CCDC171: variants seen among roughly 807,000 people sequenced by gnomAD.
CCDC171 encodes the protein coiled-coil domain containing 171, also known as coiled-coil domain-containing protein 171.
A neutral mutation model predicts 168.2 loss-of-function variants in CCDC171; 177 were observed. The ratio of observed to expected loss-of-function variants is 1.05; its 90% confidence interval spans 0.93 to 1.19. The LOEUF (loss-of-function observed/expected upper bound fraction) is 1.19, where lower values mean the gene tolerates loss of function less well. Among genes scored for constraint, CCDC171 ranks in the 50% most tolerant of loss-of-function variants. The pLI is 0.00. For synonymous variants in CCDC171, 687 were observed against 540.8 expected, an observed-to-expected ratio of 1.27 and a Z score of -3.75; for missense variants, 1,991 against 1,539.0, an observed-to-expected ratio of 1.29 and a Z score of -4.91.
At chr9:15,769,416 A>C (rs1232341187) in intron 18 of CCDC171, among the ~76,000 whole-genome samples, 1 of 152,212 alleles carries the variant, frequency 6.6e-6, no homozygotes, top group Non-Finnish European at 1.5e-5. Context: ...AATTCAGCAG[A>C]GCTGGGGGAA....
chr9:15,769,663 C>T (rs2056910113), intron 18 of CCDC171, among the ~76,000 whole-genome samples: 1 of 152,198 alleles, frequency 6.6e-6, no homozygotes, highest in African/African-American at 2.4e-5. Flanking sequence ...TCATCACTTA[C>T]ATGGCAAGTC....
intron 21 of CCDC171, among the ~76,000 whole-genome samples, chr9:15,839,741 A>G (rs929954715): frequency 6.6e-6 from 1 of 152,200 alleles, no homozygotes; most frequent in Non-Finnish European, 1.5e-5. Context: ...TGTGTGTACA[A>G]GAAAATATGT....
the CCDC171 span, among the ~76,000 whole-genome samples, chr9:16,087,557 CTTTT>C: frequency 0.017 from 1,341 of 78,818 alleles, 9 homozygotes; most frequent in African/African-American, 0.07. Flanking sequence ...GCAACTCCTG[CTTTT>C]TTTTTTTTTT....
intron 25 of CCDC171, among the ~76,000 whole-genome samples, chr9:15,952,027 A>G (rs776648283): frequency 1.6e-4 from 24 of 152,004 alleles, no homozygotes; most frequent in Non-Finnish European, 3.1e-4. Context: ...ATCCATTTTG[A>G]TTTAATTTGT....
chr9:15,682,292 C>A (rs1307197223), intron 10 of CCDC171, among the ~76,000 whole-genome samples: 1 of 151,692 alleles, frequency 6.6e-6, no homozygotes, highest in East Asian at 1.9e-4. Flanking sequence ...ATCATCTAGC[C>A]CAGGATACAG....
the CCDC171 span, among the ~76,000 whole-genome samples, chr9:16,074,286 T>C: frequency 6.6e-6 from 1 of 152,206 alleles, no homozygotes; most frequent in African/African-American, 2.4e-5. Flanking sequence ...GCATTCTCTT[T>C]GTCTTGCTGG....
the CCDC171 span, among the ~76,000 whole-genome samples, chr9:16,090,429 T>G: frequency 6.6e-6 from 1 of 152,042 alleles, no homozygotes; most frequent in African/African-American, 2.4e-5. Flanking sequence ...GGTGGGGGGC[T>G]AGTGGAGGGA....
At chr9:15,856,846 T>G (rs2061365509) in intron 23 of CCDC171, among the ~76,000 whole-genome samples, 1 of 152,056 alleles carries the variant, frequency 6.6e-6, no homozygotes, top group African/African-American at 2.4e-5. Context: ...GGGTTCCAGT[T>G]TCTCCACATC....
intron 18 of CCDC171, among the ~76,000 whole-genome samples, chr9:15,775,846 A>G (rs2057295077): frequency 2.0e-5 from 3 of 152,220 alleles, no homozygotes; most frequent in Admixed American, 2.0e-4. Flanking sequence ...TTTAACAAAC[A>G]TGTAAAAAAT....
rs1349518664 is a variant in CCDC171, at chr9:15,777,882, A to G, written c.2898+56A>G. 35 of 1,121,608 alleles carry G rather than the reference A, an allele frequency of 3.1e-5. No individual in the cohort carries two copies. In the Admixed American group the frequency reaches 9.3e-4, roughly 30 times the overall value. 69.5% of individuals were successfully genotyped at this position (1,121,608 alleles called of 1,614,324 possible). ...TAAGAACTTGTAGGTTTAATTTTGAATTAGCCTAATTTGTAGTTTAAATTA... is the reference window on the plus strand; with the variant it reads ...TAAGAACTTGTAGGTTTAATTTTGAGTTAGCCTAATTTGTAGTTTAAATTA... On this transcript the variant is annotated intron_variant, in intron 19 of 25. Coordinates refer to ENST00000380701, the MANE Select transcript of CCDC171 (RefSeq NM_173550.4).
At chr9:15,976,928 CA>C (rs1268798985), downstream of CCDC171, among the ~76,000 whole-genome samples, 1 of 151,958 alleles carries the variant, frequency 6.6e-6, no homozygotes, top group Admixed American at 6.6e-5. Context: ...TAAATGTGAT[CA>C]AACCTAAAAT....
chr9:15,569,271 G>C (rs1408326744), intron 2 of CCDC171, among the ~76,000 whole-genome samples: 1 of 152,166 alleles, frequency 6.6e-6, no homozygotes, highest in Non-Finnish European at 1.5e-5. Flanking sequence ...ATATCATGGA[G>C]CCAGGGTTTC....
At chr9:15,588,149 C>T (rs1048559470) in intron 4 of CCDC171, among the ~76,000 whole-genome samples, 1 of 152,102 alleles carries the variant, frequency 6.6e-6, no homozygotes, top group African/African-American at 2.4e-5. Context: ...GTGGGAGAAT[C>T]ACTTGAACCT....
intron 24 of CCDC171, 119 bp downstream of exon 24, chr9:15,874,782 T>C (rs1238555877): frequency 5.3e-6 from 5 of 944,440 alleles, no homozygotes; most frequent in Non-Finnish European, 7.3e-6. Flanking sequence ...CAAATAGATG[T>C]TTCTTCATTT....
chr9:15,623,475 G>GCGCGCGCGCGCGCACACACACACACA lies in CCDC171; in HGVS notation c.822+63_822+64insGCGCGCGCGCGCACACACACACACAC. On this transcript the variant is annotated intron_variant, in intron 7 of 25. Coordinates refer to ENST00000380701, the MANE Select transcript of CCDC171 (RefSeq NM_173550.4). ...CAAACTTTCACATATGCGCGCGCGC[G>GCGCGCGCGCGCGCACACACACACACA]CACACACACACACACACACACACAC... is the stretch of plus-strand genomic sequence containing the variant. The GCGCGCGCGCGCGCACACACACACACA allele has an allele frequency of 7.7e-4, 242 of 315,408 alleles. 3 individuals are homozygous for GCGCGCGCGCGCGCACACACACACACA. The highest frequency in any genetic ancestry group is 2.5e-3 in the Admixed American group (50 of 19,742). The allele number at this position is 315,408 out of a possible 1,614,324, so 19.5% of individuals were successfully genotyped here. A position where few individuals can be genotyped will look rare whatever the true frequency, so the allele number is the denominator to read the frequency against.
intron 8 of CCDC171, chr9:16,036,332 T>C (rs1364058873): frequency 6.6e-6 from 1 of 152,154 alleles, no homozygotes; most frequent in African/African-American, 2.4e-5. Flanking sequence ...CAAAAAGCCA[T>C]CAGCACAGAG....
intron 23 of CCDC171, among the ~76,000 whole-genome samples, chr9:15,857,595 A>C (rs542694813): frequency 6.6e-6 from 1 of 151,608 alleles, no homozygotes; most frequent in Non-Finnish European, 1.5e-5. Context: ...GCTAATTTTT[A>C]TATTTTTAAT....
At chr9:15,833,377 A>T (rs2060315519) in intron 21 of CCDC171, among the ~76,000 whole-genome samples, 1 of 152,106 alleles carries the variant, frequency 6.6e-6, no homozygotes, top group Admixed American at 6.5e-5. Flanking sequence ...ATACATTTCC[A>T]TCTGGAAACT....
chr9:15,778,161 G>A (rs2057437622), intron 19 of CCDC171, among the ~76,000 whole-genome samples: 1 of 151,164 alleles, frequency 6.6e-6, no homozygotes, highest in South Asian at 2.1e-4. Flanking sequence ...GCCCGGCGCG[G>A]TGGCGGGCGC....
Sources: gnomAD v4.1 joint callset for allele counts (sites outside exome capture counted in the v4.1 genomes callset) on GRCh38, gnomAD v4.1.1 for gene constraint, MANE v1.5 for transcripts, NCBI Gene and HGNC (gene_info 2026-07-23, HGNC 2026-07-21) for gene names.